Variants in NRF1 observed in about 807,000 individuals in gnomAD.
NRF1 encodes alpha palindromic-binding protein.
Under a neutral mutation model 58.5 loss-of-function variants are expected in NRF1, and 5 were observed. That is an observed-to-expected ratio of 0.09 (90% CI 0.04 to 0.18). The LOEUF (loss-of-function observed/expected upper bound fraction) is 0.18, where lower values mean the gene tolerates loss of function less well. Ranked by LOEUF, NRF1 falls within the 10% of genes least tolerant of loss-of-function variation. The pLI, the probability that NRF1 is intolerant of heterozygous loss-of-function variation, is 1.00. For synonymous variants in NRF1, 224 were observed against 246.7 expected, an observed-to-expected ratio of 0.91 and a Z score of 0.86; for missense variants, 288 against 657.7, an observed-to-expected ratio of 0.44 and a Z score of 6.15.
intron 4 of NRF1, among the ~76,000 whole-genome samples, chr7:129,684,633 A>G (rs1216125865): frequency 1.3e-5 from 2 of 152,170 alleles, no homozygotes; most frequent in African/African-American, 4.8e-5. Flanking sequence ...ATAGTCATTT[A>G]TCATTAATAA....
intron 1 of NRF1, among the ~76,000 whole-genome samples, chr7:129,632,120 T>C (rs1360229825): frequency 6.6e-6 from 1 of 152,056 alleles, no homozygotes; most frequent in Non-Finnish European, 1.5e-5. Context: ...AAAAAAATTT[T>C]AAAAATTAGC....
chr7:129,677,616 T>C lies in NRF1; in HGVS notation c.339-16T>C. 1 of 1,612,752 alleles carries C rather than the reference T, an allele frequency of 6.2e-7. No individual in the cohort carries two copies. Among genetic ancestry groups the C allele is most frequent in the Non-Finnish European group, 8.5e-7 (1 of 1,179,554 alleles). ...CTTTTTAAAACTTTTTATTCTTGTT[T>C]CCTTTTCTGATTCAGGAAACTTCGA... On this transcript the variant is annotated splice_polypyrimidine_tract_variant and intron_variant, in intron 3 of 10. Coordinates refer to ENST00000393232, the MANE Select transcript of NRF1 (RefSeq NM_005011.5).
At chr7:129,657,290 C>T in intron 1 of NRF1, 56 bp from the exon 2 acceptor site, 1 of 1,268,640 alleles carries the variant, frequency 7.9e-7, no homozygotes, top group Non-Finnish European at 1.1e-6. Flanking sequence ...TTAGTTTAAA[C>T]ATTGTGTTAT....
At chr7:129,617,283 T>C (rs1004117204) in intron 1 of NRF1, among the ~76,000 whole-genome samples, 1 of 152,212 alleles carries the variant, frequency 6.6e-6, no homozygotes, top group Non-Finnish European at 1.5e-5. Context: ...TTTTTAGAAC[T>C]TTAAGAGTCC....
At chr7:129,715,189 A>G (rs1443735864) in intron 8 of NRF1, among the ~76,000 whole-genome samples, 1 of 152,208 alleles carries the variant, frequency 6.6e-6, no homozygotes, top group Non-Finnish European at 1.5e-5. Context: ...ACCCCAGACC[A>G]GAGGGGACAT....
At chr7:129,706,977 T>C (rs979266518) in intron 5 of NRF1, among the ~76,000 whole-genome samples, 1 of 152,030 alleles carries the variant, frequency 6.6e-6, no homozygotes, top group Non-Finnish European at 1.5e-5. Context: ...TCACCCGCTT[T>C]AGGATTTTTG....
intron 10 of NRF1, among the ~76,000 whole-genome samples, chr7:129,752,667 C>T (rs1269003635): frequency 2.0e-5 from 3 of 151,754 alleles, no homozygotes; most frequent in Non-Finnish European, 4.4e-5. Flanking sequence ...ACCTGGGCAA[C>T]ATAGTGAGAC....
intron 1 of NRF1, among the ~76,000 whole-genome samples, chr7:129,636,900 T>C (rs1194269335): frequency 2.0e-5 from 3 of 152,196 alleles, no homozygotes; most frequent in Admixed American, 6.5e-5. Context: ...TTGACAGTTA[T>C]TGGAGCCAAT....
At chr7:129,724,330 A>C (rs1212868855) in intron 9 of NRF1, among the ~76,000 whole-genome samples, 1 of 152,212 alleles carries the variant, frequency 6.6e-6, no homozygotes, top group East Asian at 1.9e-4. Flanking sequence ...CTACAATGAG[A>C]TATCACCTCA....
intron 3 of NRF1, among the ~76,000 whole-genome samples, chr7:129,674,961 T>C (rs1409013007): frequency 6.6e-6 from 1 of 152,216 alleles, no homozygotes; most frequent in Non-Finnish European, 1.5e-5. Context: ...TGTAACGTGG[T>C]GCTGTTTGAT....
chr7:129,754,667 A>G (rs970975371), intron 10 of NRF1, among the ~76,000 whole-genome samples: 2 of 152,024 alleles, frequency 1.3e-5, no homozygotes, highest in Admixed American at 6.6e-5. Flanking sequence ...CTGTGTTTCA[A>G]GATAGCTAGA....
intron 2 of NRF1, among the ~76,000 whole-genome samples, chr7:129,659,330 C>T (rs758981818): frequency 7.9e-5 from 12 of 152,106 alleles, no homozygotes; most frequent in East Asian, 1.9e-4. Flanking sequence ...CCACCCATCT[C>T]GGCCTCCCAG....
chr7:129,671,404 C>T, intron 2 of NRF1, 25 bp from the exon 3 acceptor site: 1 of 1,498,100 alleles, frequency 6.7e-7, no homozygotes, highest in Non-Finnish European at 9.3e-7. Context: ...GCTGCCTAAT[C>T]TCAGCACATA....
chr7:129,647,877 T>C lies in NRF1; in HGVS notation c.-6-9469T>C, dbSNP rs545867865. On this transcript the variant is annotated intron_variant, in intron 1 of 10. Transcript: ENST00000393232. ...TTTGTCTTCCTCAAGGCAAGGCCACTTCTAAACTTGAACTGTGCTGTTCTC... is the reference window on the plus strand; with the variant it reads ...TTTGTCTTCCTCAAGGCAAGGCCACCTCTAAACTTGAACTGTGCTGTTCTC... Among the ~76,000 whole-genome samples, 6 of 152,366 alleles carry C rather than the reference T, an allele frequency of 3.9e-5. 1 individual carries two copies. Among genetic ancestry groups the C allele is most frequent in the Admixed American group, 2.6e-4 (4 of 15,308 alleles).
intron 2 of NRF1, among the ~76,000 whole-genome samples, chr7:129,663,931 T>C (rs4379396): frequency 0.88 from 134,041 of 152,212 alleles, 59,110 homozygotes; most frequent in East Asian, 0.93. Flanking sequence ...TGGAGACCAG[T>C]CCGGTCAACA....
intron 10 of NRF1, among the ~76,000 whole-genome samples, chr7:129,748,942 C>T (rs1804047871): frequency 6.6e-6 from 1 of 152,170 alleles, no homozygotes; most frequent in African/African-American, 2.4e-5. Flanking sequence ...AATGATAAAT[C>T]CAGAGTGTGC....
intron 8 of NRF1, among the ~76,000 whole-genome samples, chr7:129,716,276 C>T (rs1328479677): frequency 6.6e-6 from 1 of 151,828 alleles, no homozygotes; most frequent in Non-Finnish European, 1.5e-5. Flanking sequence ...AAAATAGGTA[C>T]ATTACATGGA....
chr7:129,744,271 A>G (rs768424909), intron 10 of NRF1: 20 of 1,522,948 alleles, frequency 1.3e-5, no homozygotes, highest in Non-Finnish European at 1.7e-5. Context: ...GCTGGAGGAT[A>G]GAGTCACTGT....
At chr7:129,631,527 A>G (rs965421477) in intron 1 of NRF1, among the ~76,000 whole-genome samples, 1 of 152,058 alleles carries the variant, frequency 6.6e-6, no homozygotes, top group African/African-American at 2.4e-5. Flanking sequence ...TTGGCCTCCT[A>G]AAGTGTTGGG....
Sources: allele counts gnomAD v4.1 joint callset (sites outside exome capture counted in the v4.1 genomes callset), GRCh38; gene constraint gnomAD v4.1.1; transcripts MANE v1.5; gene names NCBI Gene and HGNC (gene_info 2026-07-23, HGNC 2026-07-21).